EXTL3: variants seen among roughly 807,000 people sequenced by gnomAD.
EXTL3 encodes the protein exostosin like glycosyltransferase 3, also known as exostosin-like 3.
In EXTL3, 27 loss-of-function variants were observed where a neutral mutation model predicts 69.3. That is an observed-to-expected ratio of 0.39 (90% CI 0.29 to 0.54). The LOEUF (loss-of-function observed/expected upper bound fraction) is 0.54. Among genes scored for constraint, EXTL3 ranks in the 20% least tolerant of loss-of-function variants. The pLI, the probability that EXTL3 is intolerant of heterozygous loss-of-function variation, is 0.69. For synonymous variants in EXTL3, 511 were observed against 499.4 expected (o/e 1.02, Z -0.31); for missense variants, 1,003 against 1,231.8 (o/e 0.81, Z 2.78).
At position 28,755,594 on chromosome 8, in the gene EXTL3, C is replaced by G. The variant is rs1241870458; in HGVS notation, c.*4728C>G. 1 of 152,132 alleles carries G rather than the reference C, an allele frequency of 6.6e-6. No individual in the cohort carries two copies. The highest frequency in any genetic ancestry group is 2.4e-5 in the African/African-American group (1 of 41,412). The allele number at this position is 152,132 out of a possible 1,614,324, so 9.4% of individuals were successfully genotyped here. A position where few individuals can be genotyped will look rare whatever the true frequency, so the allele number is the denominator to read the frequency against. On this transcript the variant is annotated 3_prime_UTR_variant, in exon 7 of 7. Coordinates refer to ENST00000220562, the MANE Select transcript of EXTL3 (RefSeq NM_001440.4). ...CGAAACCCCTTCTCTACTAAAAATA[C>G]AAAAATTAGCCAGGTGTGGTGGCAC... is the stretch of plus-strand genomic sequence containing the variant.
intron 3 of EXTL3, among the ~76,000 whole-genome samples, chr8:28,720,516 T>C (rs1214638990): frequency 1.3e-5 from 2 of 152,212 alleles, no homozygotes; most frequent in African/African-American, 4.8e-5. Flanking sequence ...GGGTGCCCCA[T>C]AGGACTTATA....
chr8:28,720,230 A>C (rs1419979656), intron 3 of EXTL3, among the ~76,000 whole-genome samples: 1 of 152,136 alleles, frequency 6.6e-6, no homozygotes, highest in Non-Finnish European at 1.5e-5. Context: ...GAAAAAGGGC[A>C]CTACTGTGAT....
At chr8:28,709,876 T>C (rs1800998650) in intron 1 of EXTL3, among the ~76,000 whole-genome samples, 2 of 151,992 alleles carry the variant, frequency 1.3e-5, no homozygotes, top group Admixed American at 1.3e-4. Flanking sequence ...ACGTGCACAG[T>C]TCTGGATTGG....
At chr8:28,683,541 G>A (rs1337690629) in intron 1 of EXTL3, among the ~76,000 whole-genome samples, 1 of 152,180 alleles carries the variant, frequency 6.6e-6, no homozygotes, top group Non-Finnish European at 1.5e-5. Flanking sequence ...TTGGCCGGGT[G>A]AGGTAGCTCA....
intron 1 of EXTL3, among the ~76,000 whole-genome samples, chr8:28,666,566 CTT>C (rs1563441263): frequency 1.3e-5 from 2 of 151,988 alleles, no homozygotes; most frequent in Non-Finnish European, 2.9e-5. Context: ...CCCAGCCACT[CTT>C]TTCTTTTCTT....
At chr8:28,641,747 C>T (rs1452207240) in intron 1 of EXTL3, among the ~76,000 whole-genome samples, 1 of 152,208 alleles carries the variant, frequency 6.6e-6, no homozygotes, top group East Asian at 1.9e-4. Flanking sequence ...GCCGCGTGGC[C>T]TCCCAAAGTA....
chr8:28,724,139 A>G (rs1266284621), intron 3 of EXTL3, among the ~76,000 whole-genome samples: 1 of 152,160 alleles, frequency 6.6e-6, no homozygotes, highest in African/African-American at 2.4e-5. Context: ...GACTGCTAAT[A>G]TCATGTTATA....
intron 1 of EXTL3, among the ~76,000 whole-genome samples, chr8:28,688,956 A>G (rs1377025250): frequency 6.6e-6 from 1 of 152,254 alleles, no homozygotes; most frequent in African/African-American, 2.4e-5. Flanking sequence ...CTGAGATTTA[A>G]GTAACATTGG....
chr8:28,633,503 G>T (rs1452796357), intron 1 of EXTL3, among the ~76,000 whole-genome samples: 1 of 151,842 alleles, frequency 6.6e-6, no homozygotes, highest in Non-Finnish European at 1.5e-5. Flanking sequence ...GTGTGGTGTT[G>T]GGCGCCTGTA....
At chr8:28,616,343 G>A (rs555946207) in intron 2 of EXTL3, among the ~76,000 whole-genome samples, 4 of 151,382 alleles carry the variant, frequency 2.6e-5, no homozygotes, top group East Asian at 2.0e-4. Flanking sequence ...AAGCCAAAAC[G>A]TTCCAGGCAC....
chr8:28,665,602 C>T (rs1318070959), intron 1 of EXTL3, among the ~76,000 whole-genome samples: 2 of 151,618 alleles, frequency 1.3e-5, no homozygotes, highest in East Asian at 2.0e-4. Context: ...TGTAGAGATG[C>T]GGTCTCACCA....
chr8:28,706,452 C>G (rs1800924590), intron 1 of EXTL3, among the ~76,000 whole-genome samples: 1 of 152,066 alleles, frequency 6.6e-6, no homozygotes. Flanking sequence ...ACTCATGATT[C>G]TTTAAGAATA....
intron 1 of EXTL3, among the ~76,000 whole-genome samples, chr8:28,704,170 T>C (rs1322289904): frequency 6.6e-6 from 1 of 152,154 alleles, no homozygotes; most frequent in African/African-American, 2.4e-5. Context: ...GGAGACTCAT[T>C]ACTAACATAC....
chr8:28,726,009 G>A (rs958921396), intron 3 of EXTL3, among the ~76,000 whole-genome samples: 4 of 148,992 alleles, frequency 2.7e-5, no homozygotes, highest in Non-Finnish European at 5.9e-5. Context: ...AGGCTGTGGT[G>A]CAGTGGCACA....
At chr8:28,640,224 C>T (rs1418714394) in intron 1 of EXTL3, among the ~76,000 whole-genome samples, 1 of 152,168 alleles carries the variant, frequency 6.6e-6, no homozygotes, top group African/African-American at 2.4e-5. Context: ...TATTTGTTGA[C>T]TTGTACCATA....
chr8:28,658,185 T>C (rs1807044175), intron 1 of EXTL3, among the ~76,000 whole-genome samples: 1 of 146,054 alleles, frequency 6.8e-6, no homozygotes, highest in African/African-American at 2.6e-5. Flanking sequence ...GGGCATATGC[T>C]TGACACCGGA....
chr8:28,748,138 T>C lies in EXTL3; in HGVS notation c.2551-2519T>C, dbSNP rs181217943. Among the ~76,000 whole-genome samples the C allele has an allele frequency of 8.9e-3, 1,348 of 152,254 alleles. 9 individuals carry two copies. The highest frequency in any genetic ancestry group is 0.013 in the Non-Finnish European group (918 of 68,012). On this transcript the variant is annotated intron_variant, in intron 6 of 6. Transcript: ENST00000220562. ...CTGTAATCCCAACACTTGGGGAGGC[T>C]GAGGCGGGCAGATCACGAGGTCAGG...
At chr8:28,614,335 A>T (rs1806306255) in intron 2 of EXTL3, among the ~76,000 whole-genome samples, 1 of 133,898 alleles carries the variant, frequency 7.5e-6, no homozygotes. Flanking sequence ...GTGCAGTGGC[A>T]CAATCTCAAC....
rs111771399 is a variant in EXTL3 at position 28,643,790 on chromosome 8, G to C, written c.-53+20980G>C. Among the ~76,000 whole-genome samples, 443 of 152,164 alleles carry C rather than the reference G, an allele frequency of 2.9e-3. 3 individuals carry two copies. The highest frequency in any genetic ancestry group is 4.7e-3 in the Non-Finnish European group (318 of 68,000). On this transcript the variant is annotated intron_variant, in intron 1 of 6. Transcript: ENST00000523149. Reference sequence around the variant, plus strand: ...GGTTTTGTTTTTGTTTTATGATACAGGGTCTTGCCTTGTCACCCAAGCTGG... The same window carrying C: ...GGTTTTGTTTTTGTTTTATGATACACGGTCTTGCCTTGTCACCCAAGCTGG...
Sources: gnomAD v4.1 joint callset for allele counts (sites outside exome capture counted in the v4.1 genomes callset) on GRCh38, gnomAD v4.1.1 for gene constraint, MANE v1.5 for transcripts, NCBI Gene and HGNC (gene_info 2026-07-23, HGNC 2026-07-21) for gene names.